VEZT: variants seen among roughly 807,000 people sequenced by gnomAD.
VEZT encodes the protein vezatin, adherens junctions transmembrane protein, also known as vezatin.
A neutral mutation model predicts 79.9 loss-of-function variants in VEZT; 39 were observed. The ratio of observed to expected loss-of-function variants is 0.49; its 90% confidence interval spans 0.38 to 0.64. The LOEUF is 0.64. Among genes scored for constraint, VEZT ranks in the 30% least tolerant of loss-of-function variants. The pLI, the probability that VEZT is intolerant of heterozygous loss-of-function variation, is 0.00. For missense variants in VEZT, 837 were observed against 893.1 expected, an observed-to-expected ratio of 0.94 and a Z score of 0.80; for synonymous variants, 325 against 327.6, an observed-to-expected ratio of 0.99 and a Z score of 0.09.
At chr12:95,286,471 A>G (rs540106697) in intron 8 of VEZT, 8 of 552,722 alleles carry the variant, frequency 1.4e-5, no homozygotes, top group Non-Finnish European at 2.5e-5. Context: ...TGTGGCACCA[A>G]TTATTCTTTC....
intron 1 of VEZT, among the ~76,000 whole-genome samples, chr12:95,235,535 C>A (rs1471797974): frequency 7.3e-6 from 1 of 136,874 alleles, no homozygotes. Flanking sequence ...GCTGGCCGGG[C>A]GGGGGGCTGA....
chr12:95,276,901 C>T (rs551107731), intron 7 of VEZT, among the ~76,000 whole-genome samples: 5 of 152,170 alleles, frequency 3.3e-5, no homozygotes, highest in Non-Finnish European at 5.9e-5. Context: ...AACCTGGACA[C>T]CATCTTTCTT....
At chr12:95,284,510 C>T (rs2070076032) in intron 8 of VEZT, among the ~76,000 whole-genome samples, 1 of 152,192 alleles carries the variant, frequency 6.6e-6, no homozygotes, top group Admixed American at 6.5e-5. Flanking sequence ...CACTGAAAAT[C>T]TTGACTGGTT....
intron 1 of VEZT, among the ~76,000 whole-genome samples, chr12:95,222,121 A>G (rs1480548143): frequency 6.6e-6 from 1 of 152,206 alleles, no homozygotes; most frequent in Non-Finnish European, 1.5e-5. Flanking sequence ...ACCTTGGGCT[A>G]TATGTGGCCT....
At chr12:95,234,349 G>A (rs1035151632) in intron 1 of VEZT, among the ~76,000 whole-genome samples, 12 of 148,740 alleles carry the variant, frequency 8.1e-5, no homozygotes, top group East Asian at 2.0e-4. Flanking sequence ...GTGCAATGGC[G>A]CGATCTGGGC....
intron 9 of VEZT, among the ~76,000 whole-genome samples, chr12:95,289,719 A>G (rs1355590891): frequency 6.6e-6 from 1 of 152,224 alleles, no homozygotes; most frequent in Non-Finnish European, 1.5e-5. Context: ...AAAAATGTTC[A>G]TTTGAATATT....
intron 1 of VEZT, among the ~76,000 whole-genome samples, chr12:95,238,634 A>G (rs2060493173): frequency 6.6e-6 from 1 of 152,162 alleles, no homozygotes; most frequent in South Asian, 2.1e-4. Context: ...TTCACATTTG[A>G]CTATCTCATA....
In VEZT at chr12:95,224,405, C is replaced by T. The variant is rs150533996; in HGVS notation, c.36+6519C>T. ...TCATAACTCACTGCAGCCTCCAACT[C>T]CTGGCTCAGGTGATCCTACCACTTC... On this transcript the variant is annotated intron_variant, in intron 1 of 11. Transcript: ENST00000436874. 8.7e-4 allele frequency among the ~76,000 whole-genome samples: 133 copies of T among 152,048 alleles called. 1 individual carries two copies. Among genetic ancestry groups the T allele is most frequent in the Non-Finnish European group, 1.7e-3 (119 of 68,004 alleles).
chr12:95,266,770 ATTAACTGCT>A, intron 5 of VEZT, 138 bp downstream of exon 5: 1 of 733,884 alleles, frequency 1.4e-6, no homozygotes, highest in Non-Finnish European at 2.1e-6. Context: ...ACTAAAGTCA[ATTAACTGCT>A]AAGTGAAGGA....
At chr12:95,265,057 T>C (rs1052507334) in intron 4 of VEZT, among the ~76,000 whole-genome samples, 6 of 151,938 alleles carry the variant, frequency 3.9e-5, no homozygotes. Flanking sequence ...GAAGGGGTCC[T>C]ACTGTGTTGC....
intron 8 of VEZT, among the ~76,000 whole-genome samples, chr12:95,284,969 C>G (rs914592932): frequency 1.3e-5 from 2 of 151,648 alleles, no homozygotes; most frequent in Admixed American, 6.6e-5. Flanking sequence ...GCCTGTAGTC[C>G]CAGTTACTCG....
chr12:95,221,679 TAA>T (rs368598048), intron 1 of VEZT, among the ~76,000 whole-genome samples: 6 of 143,142 alleles, frequency 4.2e-5, no homozygotes, highest in Admixed American at 7.0e-5. Flanking sequence ...CCCTGCATAT[TAA>T]AAAAAAAAAA....
intron 11 of VEZT, 163 bp downstream of exon 11, chr12:95,296,421 A>C: frequency 2.0e-6 from 1 of 512,438 alleles, no homozygotes. Flanking sequence ...TGATTAATAA[A>C]AGAGTAGGAA....
At chr12:95,290,911 T>C (rs1165259601) in intron 9 of VEZT, 1 of 152,136 alleles carries the variant, frequency 6.6e-6, no homozygotes, top group East Asian at 1.9e-4. Flanking sequence ...GTTATAACTT[T>C]GGCATTACTC....
chr12:95,266,431 T>C lies in VEZT; in HGVS notation c.509T>C (p.Leu170Pro). The C allele has an allele frequency of 1.9e-6, 3 of 1,613,940 alleles. No homozygotes were observed. Among genetic ancestry groups the C allele is most frequent in the Non-Finnish European group, 2.5e-6 (3 of 1,179,856 alleles). The change falls in exon 5 of 12, where the codon CTG becomes CCG. Residue 170 changes from leucine (L) to proline (P), a missense_variant. Physicochemically the swap from Leu to Pro is moderately conservative, Grantham distance 98. Transcript: ENST00000436874. ...LPTWWIVSSW[L>P]VWGVILFVYL... ...ACTTGGTGGATTGTGTCTTCCTGGC[T>C]GGTATGGGGAGTGATTCTATTTGTG...
At chr12:95,276,701 ATTG>A (rs1219358718) in intron 7 of VEZT, among the ~76,000 whole-genome samples, 1 of 152,120 alleles carries the variant, frequency 6.6e-6, no homozygotes, top group East Asian at 1.9e-4. Flanking sequence ...TAGTGCAAGT[ATTG>A]TTGTTAGCAT....
In VEZT at chr12:95,238,510, G is replaced by A. The variant is rs901084348; in HGVS notation, c.37-13430G>A. Among the ~76,000 whole-genome samples, 9 of 152,170 alleles carry A rather than the reference G, an allele frequency of 5.9e-5. No homozygotes were observed. The South Asian group carries it at 1.9e-3, about 32-fold the overall frequency. On this transcript the variant is annotated intron_variant, in intron 1 of 11. Transcript: ENST00000436874. ...CTAGTTGATCTTCCAGACTACATATGTTTCTATACTGGTATGTCATATGAG... is the reference window on the plus strand; with the variant it reads ...CTAGTTGATCTTCCAGACTACATATATTTCTATACTGGTATGTCATATGAG...
intron 1 of VEZT, among the ~76,000 whole-genome samples, chr12:95,249,293 A>C (rs1435049857): frequency 6.6e-6 from 1 of 152,174 alleles, no homozygotes; most frequent in Non-Finnish European, 1.5e-5. Context: ...ACTGCCTTAA[A>C]AACAATGTTT....
intron 6 of VEZT, among the ~76,000 whole-genome samples, chr12:95,274,508 A>T (rs1326143108): frequency 6.6e-6 from 1 of 152,140 alleles, no homozygotes; most frequent in Non-Finnish European, 1.5e-5. Context: ...CCTTTTGAAG[A>T]CTTGAACTGT....
Sources: gnomAD v4.1 joint callset for allele counts (sites outside exome capture counted in the v4.1 genomes callset) on GRCh38, gnomAD v4.1.1 for gene constraint, MANE v1.5 for transcripts, NCBI Gene and HGNC (gene_info 2026-07-23, HGNC 2026-07-21) for gene names.